The following KCNH7 variants were observed in gnomAD, a reference collection of about 807,000 sequenced individuals.
The protein encoded by KCNH7 is potassium voltage-gated channel subfamily H member 7, also known as voltage-gated inwardly rectifying potassium channel KCNH7.
In KCNH7, 49 loss-of-function variants were observed where a neutral mutation model predicts 120.8. The ratio of observed to expected loss-of-function variants is 0.41; its 90% CI spans 0.32 to 0.51. The LOEUF is 0.51. Ranked by LOEUF, KCNH7 falls within the 20% of genes least tolerant of loss-of-function variation. The pLI is 0.38. For missense variants in KCNH7, 1,097 were observed against 1,446.6 expected (o/e 0.76, Z 3.92); for synonymous variants, 547 against 516.1 (o/e 1.06, Z -0.81).
chr2:162,736,718 T>C (rs145723751), intron 2 of KCNH7, among the ~76,000 whole-genome samples: 3 of 152,084 alleles, frequency 2.0e-5, no homozygotes, highest in South Asian at 4.2e-4. Context: ...CAGAGGAAGA[T>C]AGAGAGCATC....
intron 2 of KCNH7, among the ~76,000 whole-genome samples, chr2:162,624,682 C>A (rs1683484027): frequency 6.6e-6 from 1 of 152,040 alleles, no homozygotes; most frequent in African/African-American, 2.4e-5. Context: ...GGGCTGCTAT[C>A]ATATACATCT....
chr2:162,612,042 G>T (rs544648362), intron 2 of KCNH7, among the ~76,000 whole-genome samples: 1 of 152,194 alleles, frequency 6.6e-6, no homozygotes, highest in East Asian at 1.9e-4. Flanking sequence ...TCAGCATTAT[G>T]GTATATCAAA....
At chr2:162,563,852 C>T (rs1226077561) in intron 2 of KCNH7, among the ~76,000 whole-genome samples, 8 of 152,078 alleles carry the variant, frequency 5.3e-5, no homozygotes, top group Non-Finnish European at 1.2e-4. Context: ...TCTCTTTCTT[C>T]TTAGCATTTC....
intron 2 of KCNH7, among the ~76,000 whole-genome samples, chr2:162,755,057 G>GT (rs1688738975): frequency 1.3e-5 from 2 of 152,104 alleles, no homozygotes; most frequent in Admixed American, 6.5e-5. Flanking sequence ...TTCTCTGACA[G>GT]TTTTTTCTCT....
intron 2 of KCNH7, among the ~76,000 whole-genome samples, chr2:162,694,771 T>A (rs1208367131): frequency 6.6e-6 from 1 of 151,122 alleles, no homozygotes; most frequent in African/African-American, 2.4e-5. Context: ...TTAGACGGAG[T>A]CTCGCTCTGT....
intron 2 of KCNH7, among the ~76,000 whole-genome samples, chr2:162,573,629 G>A (rs11899093): frequency 0.044 from 6,680 of 151,914 alleles, 293 homozygotes; most frequent in East Asian, 0.11. Context: ...GTAGGCAAAA[G>A]TATTTCGGCC....
chr2:162,588,327 T>C (rs1225411822), intron 2 of KCNH7, among the ~76,000 whole-genome samples: 1 of 152,166 alleles, frequency 6.6e-6, no homozygotes, highest in Non-Finnish European at 1.5e-5. Flanking sequence ...TTCTGTTTGA[T>C]ACAGATTCTA....
At chr2:162,615,459 G>A (rs1683111553) in intron 2 of KCNH7, among the ~76,000 whole-genome samples, 1 of 152,134 alleles carries the variant, frequency 6.6e-6, no homozygotes, top group Non-Finnish European at 1.5e-5. Flanking sequence ...CTTAAATCTA[G>A]CTAAGATTTG....
chr2:162,435,906 T>C (rs1180899811), intron 7 of KCNH7, among the ~76,000 whole-genome samples: 1 of 152,100 alleles, frequency 6.6e-6, no homozygotes, highest in Non-Finnish European at 1.5e-5. Context: ...CCAACATACA[T>C]TCTAGTGTGT....
intron 2 of KCNH7, among the ~76,000 whole-genome samples, chr2:162,556,548 C>T (rs2105868979): frequency 6.6e-6 from 1 of 152,102 alleles, no homozygotes; most frequent in African/African-American, 2.4e-5. Context: ...AAAGATTCCC[C>T]AAAAGAGGAA....
chr2:162,744,763 T>C (rs532270223), intron 2 of KCNH7, among the ~76,000 whole-genome samples: 25 of 151,990 alleles, frequency 1.6e-4, no homozygotes, highest in Non-Finnish European at 3.4e-4. Flanking sequence ...TTATTAGAGA[T>C]GGGGTTTCAC....
In KCNH7 at chr2:162,524,897, A is replaced by C. The variant is rs562061449; in HGVS notation, c.464-6739T>G. On this transcript the variant is annotated intron_variant, in intron 3 of 15. Transcript: ENST00000332142. ...CTATGAGCTGGTAGAACAACTCAGA[A>C]TATTGTCAAAGAATGATGTAGATAG... 1.2e-3 allele frequency among the ~76,000 whole-genome samples: 179 copies of C among 152,038 alleles called. 1 individual carries two copies. The highest frequency in any genetic ancestry group is 3.4e-3 in the Middle Eastern group (1 of 294).
intron 2 of KCNH7, among the ~76,000 whole-genome samples, chr2:162,790,689 A>G (rs931916934): frequency 2.0e-5 from 3 of 152,080 alleles, no homozygotes; most frequent in Admixed American, 6.6e-5. Flanking sequence ...TACACAAATC[A>G]AAAATTGTGA....
chr2:162,564,510 A>G (rs1277772866), intron 2 of KCNH7, among the ~76,000 whole-genome samples: 1 of 152,124 alleles, frequency 6.6e-6, no homozygotes, highest in African/African-American at 2.4e-5. Context: ...TAACCCGTAA[A>G]ATTGCTTATA....
intron 6 of KCNH7, among the ~76,000 whole-genome samples, chr2:162,455,375 G>A (rs750717581): frequency 6.6e-6 from 1 of 152,088 alleles, no homozygotes; most frequent in Non-Finnish European, 1.5e-5. Context: ...ATGTTCATCA[G>A]GGATATTGGT....
chr2:162,640,114 A>G (rs1362322399), intron 2 of KCNH7, among the ~76,000 whole-genome samples: 2 of 152,158 alleles, frequency 1.3e-5, no homozygotes, highest in African/African-American at 4.8e-5. Context: ...AACTATTTCA[A>G]TTCTCCCCAA....
At chr2:162,821,560 G>A (rs1181303882) in intron 2 of KCNH7, among the ~76,000 whole-genome samples, 1 of 152,148 alleles carries the variant, frequency 6.6e-6, no homozygotes, top group Non-Finnish European at 1.5e-5. Context: ...CATACATTTT[G>A]AAAAATGTCA....
intron 2 of KCNH7, among the ~76,000 whole-genome samples, chr2:162,692,325 C>T (rs949867878): frequency 6.6e-6 from 1 of 151,984 alleles, no homozygotes; most frequent in Non-Finnish European, 1.5e-5. Context: ...CGGGGTTTCA[C>T]CATGTTCACC....
chr2:162,545,325 T>C (rs1182602746), intron 2 of KCNH7, among the ~76,000 whole-genome samples: 1 of 152,212 alleles, frequency 6.6e-6, no homozygotes, highest in East Asian at 1.9e-4. Context: ...AAGTCCTATT[T>C]TAGAGAAGTC....
Sources: allele counts gnomAD v4.1 joint callset (sites outside exome capture counted in the v4.1 genomes callset), GRCh38; gene constraint gnomAD v4.1.1; transcripts MANE v1.5; gene names NCBI Gene and HGNC (gene_info 2026-07-23, HGNC 2026-07-21).